Variants in AFF2 observed in about 807,000 individuals in gnomAD.
The protein encoded by AFF2 is AF4/FMR2 family member 2.
A neutral mutation model predicts 76.9 loss-of-function variants in AFF2; 14 were observed. The ratio of observed to expected loss-of-function variants is 0.18; its 90% CI spans 0.12 to 0.28. The LOEUF is 0.28. AFF2 is among the 10% of genes least tolerant of loss of function. The pLI is 1.00. For missense variants in AFF2, 868 were observed against 1,001.1 expected, an observed-to-expected ratio of 0.87 and a Z score of 1.79; for synonymous variants, 398 against 366.7, an observed-to-expected ratio of 1.09 and a Z score of -0.98.
In AFF2 at chrX:148,804,257, A is replaced by G. The variant is rs1010598724; in HGVS notation, c.1042-5619A>G. On this transcript the variant is annotated intron_variant, in intron 3 of 20. Coordinates refer to ENST00000370460, the MANE Select transcript of AFF2 (RefSeq NM_002025.4). ...GGATACAGAGGCTCAAACAAGTTCG[A>G]GTGGCTTGCCCAAGGTCATAAAGCA... Among the ~76,000 whole-genome samples the G allele has an allele frequency of 8.9e-5, 10 of 112,040 alleles. No individual in the cohort carries two copies. The Admixed American group carries it at 9.5e-4, about 11-fold the overall frequency.
chrX:148,591,091 C>T (rs183016734), intron 1 of AFF2, among the ~76,000 whole-genome samples: 6 of 112,118 alleles, frequency 5.4e-5, no homozygotes, highest in Non-Finnish European at 3.8e-5. Flanking sequence ...AATCTTCATC[C>T]AAAATGTTTG....
intron 1 of AFF2, among the ~76,000 whole-genome samples, chrX:148,514,964 C>T (rs1354525425): frequency 8.9e-6 from 1 of 111,928 alleles, no homozygotes; most frequent in Non-Finnish European, 1.9e-5. Context: ...GTGAGAAACA[C>T]AACACTGCTT....
intron 1 of AFF2, among the ~76,000 whole-genome samples, chrX:148,628,898 A>G (rs976129002): frequency 5.4e-5 from 6 of 111,746 alleles, no homozygotes; most frequent in Non-Finnish European, 1.1e-4. Flanking sequence ...CATTTTTTTT[A>G]TGTGTTGGTT....
chrX:148,559,952 T>C (rs1271722327), intron 1 of AFF2, among the ~76,000 whole-genome samples: 4 of 112,122 alleles, frequency 3.6e-5, no homozygotes, highest in Middle Eastern at 4.2e-3. Flanking sequence ...TTTCCTGACT[T>C]TTTAATGATT....
At chrX:148,848,524 A>G (rs899292853) in intron 7 of AFF2, among the ~76,000 whole-genome samples, 1 of 112,619 alleles carries the variant, frequency 8.9e-6, no homozygotes, top group Admixed American at 9.4e-5. Flanking sequence ...TTGCAGAGCA[A>G]TAACCCACTT....
intron 3 of AFF2, among the ~76,000 whole-genome samples, chrX:148,748,635 G>A (rs895848563): frequency 3.6e-5 from 4 of 111,906 alleles, no homozygotes; most frequent in Admixed American, 1.9e-4. Flanking sequence ...CCTTTGCAGA[G>A]GATGGGTATT....
Position 148,987,491 on chromosome X carries a change from A to G in AFF2, c.3748A>G (p.Thr1250Ala). 8.3e-7 allele frequency: 1 copy of G among 1,211,270 alleles called. No homozygotes were observed. Among genetic ancestry groups the G allele is most frequent in the Non-Finnish European group, 1.1e-6 (1 of 895,085 alleles). ...HHMAASHVNI[T>A]SNVLRGYEHW... is the part of the protein sequence containing the mutation. ...CATGGCTGCCAGCCACGTCAACATC[A>G]CTAGCAATGTGTTACGGGGCTATGA... is the stretch of plus-strand genomic sequence containing the variant. Residue 1250 changes from threonine (T) to alanine (A), a missense_variant, in exon 20 of 21, where the codon ACT (threonine) becomes GCT (alanine). This residue lies in a region of AFF2 where 33 missense variants were observed against 63.6 expected (regional missense o/e 0.52). Transcript: ENST00000370460.
chrX:148,921,819 G>A (rs2071599243), intron 9 of AFF2, among the ~76,000 whole-genome samples: 1 of 112,416 alleles, frequency 8.9e-6, no homozygotes, highest in African/African-American at 3.2e-5. Flanking sequence ...GTAAGCTGGT[G>A]TTAAGTATGA....
intron 1 of AFF2, among the ~76,000 whole-genome samples, chrX:148,574,943 G>GGTGTGTGTGT (rs781819721): frequency 2.1e-5 from 2 of 95,647 alleles, no homozygotes; most frequent in Non-Finnish European, 4.2e-5. Context: ...ATAGTGCTGG[G>GGTGTGTGTGT]GTGTGTGTGT....
chrX:148,604,388 TA>T (rs2053654437), intron 1 of AFF2, among the ~76,000 whole-genome samples: 1 of 112,448 alleles, frequency 8.9e-6, no homozygotes, highest in African/African-American at 3.2e-5. Flanking sequence ...AATTTTAGTT[TA>T]TTTTTTATTT....
chrX:148,594,165 C>T (rs944338590), intron 1 of AFF2, among the ~76,000 whole-genome samples: 4 of 109,994 alleles, frequency 3.6e-5, no homozygotes, highest in Admixed American at 2.9e-4. Context: ...GAGTGGGATG[C>T]GGCTAAGCAT....
chrX:148,671,143 T>C (rs1330993200), intron 3 of AFF2, among the ~76,000 whole-genome samples: 4 of 111,991 alleles, frequency 3.6e-5, no homozygotes, highest in Admixed American at 2.8e-4. Flanking sequence ...TCTTTCTTGG[T>C]GCACTTTGCT....
At chrX:148,660,085 G>A (rs782459623) in intron 2 of AFF2, among the ~76,000 whole-genome samples, 1 of 112,156 alleles carries the variant, frequency 8.9e-6, no homozygotes, top group Non-Finnish European at 1.9e-5. Flanking sequence ...AAAAATATCT[G>A]TCCCTGACAG....
chrX:148,716,061 G>T (rs1461057152), intron 3 of AFF2, among the ~76,000 whole-genome samples: 1 of 110,839 alleles, frequency 9.0e-6, no homozygotes, highest in Admixed American at 9.6e-5. Context: ...ATTTTGCATA[G>T]GTGCATTTTA....
chrX:148,511,334 C>T (rs1227015737), intron 1 of AFF2, among the ~76,000 whole-genome samples: 3 of 111,848 alleles, frequency 2.7e-5, no homozygotes, highest in Non-Finnish European at 5.6e-5. Flanking sequence ...CAGACTTCAA[C>T]ATTTGCTGAG....
intron 1 of AFF2, among the ~76,000 whole-genome samples, chrX:148,521,933 A>C (rs781849093): frequency 5.4e-5 from 6 of 111,883 alleles, no homozygotes; most frequent in Admixed American, 9.5e-5. Context: ...ATTTCTGTGG[A>C]ACTCATACCA....
chrX:148,818,974 G>C (rs1557272359), intron 4 of AFF2, among the ~76,000 whole-genome samples: 1 of 111,121 alleles, frequency 9.0e-6, no homozygotes, highest in Non-Finnish European at 1.9e-5. Context: ...TGGAACTCAT[G>C]TTGGCCTGAA....
Position 148,639,479 on chromosome X carries a change from T to C in AFF2, c.48-12520T>C, listed in dbSNP as rs1049580418. ...AAAGAACATTTGTATTAAGGCCCAG[T>C]GCTAGATAGGAGACAAGCAATTGGT... On this transcript the variant is annotated intron_variant, in intron 1 of 20. Coordinates refer to ENST00000370460, the MANE Select transcript of AFF2 (RefSeq NM_002025.4). Among the ~76,000 whole-genome samples the C allele has an allele frequency of 7.1e-5, 8 of 112,087 alleles. No homozygotes were observed. The South Asian group carries it at 1.8e-3, about 26-fold the overall frequency.
chrX:148,728,687 T>C, intron 3 of AFF2, among the ~76,000 whole-genome samples: 1 of 112,509 alleles, frequency 8.9e-6, no homozygotes, highest in East Asian at 2.8e-4. Context: ...GATCCAGGCG[T>C]GAAATGCTTT....
Sources: allele counts gnomAD v4.1 joint callset (sites outside exome capture counted in the v4.1 genomes callset), GRCh38; gene constraint gnomAD v4.1.1; regional missense constraint gnomAD v4.1.1; transcripts MANE v1.5; gene names NCBI Gene and HGNC (gene_info 2026-07-23, HGNC 2026-07-21).